The following CRACD variants were observed in gnomAD, a reference collection of about 807,000 sequenced individuals.
CRACD encodes capping protein inhibiting regulator of actin dynamics.
CRACD carries 56 observed loss-of-function variants against 106.8 expected under a neutral mutation model. That is an observed-to-expected ratio of 0.52 (90% CI 0.42 to 0.66). The LOEUF (loss-of-function observed/expected upper bound fraction) is 0.66. Among genes scored for constraint, CRACD ranks in the 30% least tolerant of loss-of-function variants. The pLI is 0.00. For missense variants in CRACD, 1,730 were observed against 1,623.2 expected, an observed-to-expected ratio of 1.07 and a Z score of -1.13; for synonymous variants, 754 against 670.8, an observed-to-expected ratio of 1.12 and a Z score of -1.92.
intron 2 of CRACD, among the ~76,000 whole-genome samples, chr4:56,226,848 G>C (rs900064457): frequency 1.4e-5 from 2 of 147,792 alleles, no homozygotes; most frequent in South Asian, 2.2e-4. Context: ...CTCTCTCTGT[G>C]TGTGTCTCTT....
At chr4:56,189,968 C>G (rs1222749133) in intron 2 of CRACD, among the ~76,000 whole-genome samples, 3 of 94,482 alleles carry the variant, frequency 3.2e-5, no homozygotes, top group African/African-American at 8.0e-5. Context: ...AACCCTCCCC[C>G]CTCCCCCCAC....
At chr4:56,070,889 G>GTA in intron 1 of CRACD, among the ~76,000 whole-genome samples, 1 of 151,406 alleles carries the variant, frequency 6.6e-6, no homozygotes, top group Non-Finnish European at 1.5e-5. Context: ...GTGTGTGTGT[G>GTA]TCCACAGGCA....
intron 1 of CRACD, among the ~76,000 whole-genome samples, chr4:56,145,194 G>T (rs1048160611): frequency 5.9e-5 from 9 of 152,202 alleles, no homozygotes; most frequent in Admixed American, 3.9e-4. Context: ...TATTCCAAGT[G>T]CTCCATATTC....
At chr4:56,149,090 A>G (rs986290265) in intron 1 of CRACD, among the ~76,000 whole-genome samples, 1 of 152,188 alleles carries the variant, frequency 6.6e-6, no homozygotes, top group African/African-American at 2.4e-5. Flanking sequence ...TGCTGGGATT[A>G]CAGGTGTGAG....
chr4:56,139,938 A>G lies in CRACD; in HGVS notation c.-335-39346A>G, dbSNP rs185825824. On this transcript the variant is annotated intron_variant, in intron 1 of 10. Transcript: ENST00000682029. The stretch of plus-strand genomic sequence containing the variant: ...CAATGATTTGGAAGTTAAAATTGTA[A>G]CATAGATACAATTTGGTATTTAGGT... Among the ~76,000 whole-genome samples the G allele has an allele frequency of 2.9e-4, 44 of 152,308 alleles. No individual in the cohort carries two copies. In the East Asian group the frequency reaches 7.3e-3, roughly 25 times the overall value.
intron 2 of CRACD, among the ~76,000 whole-genome samples, chr4:56,250,451 A>T (rs1740985995): frequency 6.6e-6 from 1 of 152,212 alleles, no homozygotes; most frequent in African/African-American, 2.4e-5. Flanking sequence ...TACAAACAAG[A>T]GAGCAGAAAC....
Position 56,194,549 on chromosome 4 carries a change from A to G in CRACD, c.-189+15119A>G, listed in dbSNP as rs570132471. Among the ~76,000 whole-genome samples the G allele has an allele frequency of 3.0e-4, 45 of 152,348 alleles. No individual in the cohort carries two copies. The South Asian group carries it at 8.9e-3, about 30-fold the overall frequency. ...ACCCTTAAGGTGATAGTATTAGGAT[A>G]TACAGCCTTTGGGGGGTGATTAGGC... On this transcript the variant is annotated intron_variant, in intron 2 of 10. Coordinates refer to ENST00000682029, the MANE Select transcript of CRACD (RefSeq NM_001393381.1).
At chr4:56,322,736 C>G (rs1299044799) in intron 8 of CRACD, among the ~76,000 whole-genome samples, 1 of 152,126 alleles carries the variant, frequency 6.6e-6, no homozygotes, top group Non-Finnish European at 1.5e-5. Context: ...TCATTTAAAG[C>G]AATGAATTAG....
At chr4:56,099,801 ATC>A (rs1733721395) in intron 1 of CRACD, among the ~76,000 whole-genome samples, 1 of 152,226 alleles carries the variant, frequency 6.6e-6, no homozygotes, top group Admixed American at 6.5e-5. Context: ...AAACTGCGAC[ATC>A]TCTCTGTTAG....
At chr4:56,089,868 AC>A (rs1733361625) in intron 1 of CRACD, among the ~76,000 whole-genome samples, 1 of 152,162 alleles carries the variant, frequency 6.6e-6, no homozygotes, top group African/African-American at 2.4e-5. Flanking sequence ...CCAGGTGCTT[AC>A]CTGTGAATGG....
intron 1 of CRACD, among the ~76,000 whole-genome samples, chr4:56,157,874 G>C (rs1373157527): frequency 1.3e-5 from 2 of 152,240 alleles, no homozygotes; most frequent in South Asian, 2.1e-4. Context: ...CATTTTGAGT[G>C]CCTGGGGCCC....
intron 5 of CRACD, among the ~76,000 whole-genome samples, chr4:56,310,028 A>G (rs1020190191): frequency 4.6e-5 from 7 of 151,590 alleles, no homozygotes; most frequent in Non-Finnish European, 8.8e-5. Flanking sequence ...CAAAAAAAAA[A>G]AAAAAGAAAA....
At chr4:56,320,255 T>C (rs1294808769) in intron 8 of CRACD, among the ~76,000 whole-genome samples, 5 of 152,154 alleles carry the variant, frequency 3.3e-5, no homozygotes, top group Non-Finnish European at 4.4e-5. Flanking sequence ...CTCCAAGGAA[T>C]GCCCTTTGGG....
chr4:56,218,726 G>A (rs978058391), intron 2 of CRACD, among the ~76,000 whole-genome samples: 6 of 151,718 alleles, frequency 4.0e-5, no homozygotes, highest in African/African-American at 1.5e-4. Context: ...TCTCGCTTCA[G>A]CCCCACAAAG....
At chr4:56,279,537 G>A (rs551441703) in intron 3 of CRACD, among the ~76,000 whole-genome samples, 1 of 152,230 alleles carries the variant, frequency 6.6e-6, no homozygotes, top group East Asian at 1.9e-4. Flanking sequence ...AAAGACACAT[G>A]AAAAAATGCT....
At chr4:56,064,549 A>G (rs1454577767) in intron 1 of CRACD, among the ~76,000 whole-genome samples, 3 of 152,154 alleles carry the variant, frequency 2.0e-5, no homozygotes, top group Non-Finnish European at 4.4e-5. Context: ...AAAGCCAGAC[A>G]TTTTGCTTGT....
chr4:56,307,969 T>C (rs1744855902), intron 5 of CRACD, among the ~76,000 whole-genome samples: 1 of 152,228 alleles, frequency 6.6e-6, no homozygotes, highest in Non-Finnish European at 1.5e-5. Flanking sequence ...TGGGAAGCCG[T>C]ACCTGGCCTC....
chr4:56,328,388 A>G lies in CRACD; in HGVS notation c.*584A>G, dbSNP rs966511718. ...GTTTTCATGAGTTTTCCCCACTCTG[A>G]AGCTGTAACCCAGAAGGCACATCCA... On this transcript the variant is annotated 3_prime_UTR_variant, in exon 11 of 11. Coordinates refer to ENST00000682029, the MANE Select transcript of CRACD (RefSeq NM_001393381.1). The G allele has an allele frequency of 3.9e-6, 2 of 518,912 alleles. No homozygotes were observed. Among genetic ancestry groups the G allele is most frequent in the Admixed American group, 3.9e-5 (2 of 51,580 alleles). 32.1% of individuals were successfully genotyped at this position (518,912 alleles called of 1,614,324 possible). A position where few individuals can be genotyped will look rare whatever the true frequency, so the allele number is the denominator to read the frequency against.
chr4:56,173,035 C>T (rs534609005), intron 1 of CRACD, among the ~76,000 whole-genome samples: 3 of 152,332 alleles, frequency 2.0e-5, no homozygotes, highest in East Asian at 1.9e-4. Flanking sequence ...GGATTACAGG[C>T]GTGAGCCACC....
Sources: gnomAD v4.1 joint callset for allele counts (sites outside exome capture counted in the v4.1 genomes callset) on GRCh38, gnomAD v4.1.1 for gene constraint, MANE v1.5 for transcripts, NCBI Gene and HGNC (gene_info 2026-07-23, HGNC 2026-07-21) for gene names.